Variants in SLIT3 observed in about 807,000 individuals in gnomAD.
SLIT3 encodes slit guidance ligand 3.
A neutral mutation model predicts 184.0 loss-of-function variants in SLIT3; 68 were observed. The observed-to-expected ratio is 0.37, with a 90% CI of 0.30 to 0.45. SLIT3 has a LOEUF of 0.45. SLIT3 is among the 20% of genes least tolerant of loss of function. The pLI is 1.00. For synonymous variants in SLIT3, 831 were observed against 828.6 expected (o/e 1.00, Z -0.05); for missense variants, 1,707 against 2,026.0 (o/e 0.84, Z 3.02).
chr5:169,250,418 C>T (rs1236841304), intron 2 of SLIT3, among the ~76,000 whole-genome samples: 1 of 152,192 alleles, frequency 6.6e-6, no homozygotes, highest in Non-Finnish European at 1.5e-5. Flanking sequence ...AACGTATTCC[C>T]TATACTGCAG....
chr5:169,071,831 T>G (rs1758559295), intron 4 of SLIT3, among the ~76,000 whole-genome samples: 1 of 151,848 alleles, frequency 6.6e-6, no homozygotes, highest in South Asian at 2.1e-4. Flanking sequence ...GTGCGAGTGG[T>G]TAGGAGGGTG....
chr5:168,695,647 G>A (rs976314385), intron 28 of SLIT3, among the ~76,000 whole-genome samples: 2 of 152,226 alleles, frequency 1.3e-5, no homozygotes, highest in Admixed American at 6.5e-5. Flanking sequence ...CTTTTTAGGG[G>A]TTATTAATGT....
At chr5:169,173,537 G>A (rs1581016771) in intron 4 of SLIT3, among the ~76,000 whole-genome samples, 1 of 152,050 alleles carries the variant, frequency 6.6e-6, no homozygotes. Flanking sequence ...CTTCCTGAGT[G>A]TGCATTCCTT....
intron 1 of SLIT3, among the ~76,000 whole-genome samples, chr5:169,295,306 T>TC (rs1208169202): frequency 6.6e-6 from 1 of 152,104 alleles, no homozygotes; most frequent in Admixed American, 6.5e-5. Context: ...TTTTGTTTAA[T>TC]CCCCCCAATG....
intron 8 of SLIT3, among the ~76,000 whole-genome samples, chr5:168,815,054 A>G (rs932504249): frequency 2.0e-5 from 3 of 152,234 alleles, no homozygotes; most frequent in Non-Finnish European, 2.9e-5. Flanking sequence ...GGTTAACAGC[A>G]TAGTCATGTC....
At chr5:169,133,765 G>A (rs910340916) in intron 4 of SLIT3, among the ~76,000 whole-genome samples, 1 of 152,174 alleles carries the variant, frequency 6.6e-6, no homozygotes, top group African/African-American at 2.4e-5. Flanking sequence ...CAATGTAGGT[G>A]CAAAAGAGGT....
intron 4 of SLIT3, among the ~76,000 whole-genome samples, chr5:168,964,612 A>G (rs554620349): frequency 2.0e-5 from 3 of 152,238 alleles, no homozygotes; most frequent in Non-Finnish European, 2.9e-5. Context: ...AAAATGTAAA[A>G]TAATCCAGTT....
intron 3 of SLIT3, among the ~76,000 whole-genome samples, chr5:169,219,584 G>C (rs977911480): frequency 2.6e-5 from 4 of 152,162 alleles, no homozygotes; most frequent in African/African-American, 9.6e-5. Flanking sequence ...GAGCTGTGCA[G>C]AGGTGGCAGG....
At chr5:169,052,383 C>G (rs1275043004) in intron 4 of SLIT3, among the ~76,000 whole-genome samples, 1 of 152,146 alleles carries the variant, frequency 6.6e-6, no homozygotes, top group East Asian at 1.9e-4. Flanking sequence ...TGTGGTCACT[C>G]TCAGTGTCTC....
At chr5:169,164,916 G>A (rs532099642) in intron 4 of SLIT3, among the ~76,000 whole-genome samples, 35 of 152,354 alleles carry the variant, frequency 2.3e-4, no homozygotes, top group Admixed American at 1.0e-3. Context: ...ATACCCTGCC[G>A]TTGGATGCCT....
At chr5:169,240,384 A>G (rs964585542) in intron 3 of SLIT3, among the ~76,000 whole-genome samples, 1 of 151,540 alleles carries the variant, frequency 6.6e-6, no homozygotes, top group African/African-American at 2.4e-5. Flanking sequence ...TAGTTCTGTC[A>G]ATATTTGCTT....
intron 5 of SLIT3, among the ~76,000 whole-genome samples, chr5:168,861,886 T>C (rs1253049602): frequency 1.3e-5 from 2 of 152,232 alleles, no homozygotes; most frequent in Non-Finnish European, 2.9e-5. Context: ...AAGGAAGGGC[T>C]TAGCTTGGGA....
intron 14 of SLIT3, among the ~76,000 whole-genome samples, chr5:168,770,637 T>C (rs1253533435): frequency 6.8e-6 from 1 of 147,412 alleles, no homozygotes; most frequent in Non-Finnish European, 1.5e-5. Flanking sequence ...TTTTTAGGAA[T>C]AATCTTTCGC....
chr5:169,280,447 C>T (rs1172881716), intron 1 of SLIT3, among the ~76,000 whole-genome samples: 3 of 152,168 alleles, frequency 2.0e-5, no homozygotes, highest in African/African-American at 4.8e-5. Flanking sequence ...CACAGGCAAG[C>T]GGCCTCGTCT....
intron 15 of SLIT3, among the ~76,000 whole-genome samples, chr5:168,761,744 A>AT (rs911298636): frequency 6.6e-6 from 1 of 150,858 alleles, no homozygotes; most frequent in African/African-American, 2.4e-5. Flanking sequence ...ATTAAAAAAA[A>AT]TTTTTTTTTC....
intron 34 of SLIT3, among the ~76,000 whole-genome samples, chr5:168,670,218 C>T (rs1761194872): frequency 6.6e-6 from 1 of 152,226 alleles, no homozygotes; most frequent in Admixed American, 6.5e-5. Flanking sequence ...GCTGTGACCA[C>T]AGCAGAGGCT....
intron 4 of SLIT3, among the ~76,000 whole-genome samples, chr5:168,939,423 T>C (rs1762264485): frequency 6.6e-6 from 1 of 152,202 alleles, no homozygotes; most frequent in Non-Finnish European, 1.5e-5. Flanking sequence ...CTGCAGAAGT[T>C]TGGAATTTTT....
chr5:169,080,645 T>A (rs1335199369), intron 4 of SLIT3, among the ~76,000 whole-genome samples: 2 of 152,106 alleles, frequency 1.3e-5, no homozygotes, highest in Non-Finnish European at 2.9e-5. Flanking sequence ...CTGTTTTTTT[T>A]GCAAACCTGG....
intron 24 of SLIT3, among the ~76,000 whole-genome samples, chr5:168,711,834 A>G (rs995718057): frequency 2.0e-5 from 3 of 152,180 alleles, no homozygotes; most frequent in African/African-American, 7.2e-5. Flanking sequence ...TTTCCTGTGT[A>G]AAATAAGAAG....
Sources: gnomAD v4.1 joint callset for allele counts (sites outside exome capture counted in the v4.1 genomes callset) on GRCh38, gnomAD v4.1.1 for gene constraint, MANE v1.5 for transcripts, NCBI Gene and HGNC (gene_info 2026-07-23, HGNC 2026-07-21) for gene names.